The following RFX3 variants were observed in gnomAD, a reference collection of about 807,000 sequenced individuals.
RFX3 encodes regulatory factor X3, also known as transcription factor RFX3.
Under a neutral mutation model 98.6 loss-of-function variants are expected in RFX3, and 14 were observed. The observed-to-expected ratio is 0.14, with a 90% confidence interval of 0.09 to 0.22. The LOEUF (loss-of-function observed/expected upper bound fraction) is 0.22, where lower values mean the gene tolerates loss of function less well. RFX3 is among the 10% of genes least tolerant of loss of function. The pLI is 1.00. For missense variants in RFX3, 639 were observed against 926.9 expected (o/e 0.69, Z 4.03); for synonymous variants, 383 against 328.4 (o/e 1.17, Z -1.80).
At chr9:3,508,785 G>A (rs1226444689) in intron 1 of RFX3, among the ~76,000 whole-genome samples, 1 of 151,956 alleles carries the variant, frequency 6.6e-6, no homozygotes, top group Non-Finnish European at 1.5e-5. Context: ...AAATGAGGCT[G>A]CAGAGAGCAT....
chr9:3,422,193 T>C (rs1587614882), intron 1 of RFX3, among the ~76,000 whole-genome samples: 2 of 152,120 alleles, frequency 1.3e-5, no homozygotes, highest in Non-Finnish European at 1.5e-5. Flanking sequence ...CTGGCACAAA[T>C]AGCAATGAAC....
intron 1 of RFX3, among the ~76,000 whole-genome samples, chr9:3,501,302 C>G (rs964227849): frequency 1.3e-5 from 2 of 151,948 alleles, no homozygotes; most frequent in African/African-American, 4.8e-5. Context: ...TAATTTTTAT[C>G]AAGAATTGTA....
chr9:3,392,475 T>C (rs1176833984), intron 2 of RFX3, among the ~76,000 whole-genome samples: 1 of 148,640 alleles, frequency 6.7e-6, no homozygotes, highest in Non-Finnish European at 1.5e-5. Context: ...AAAAATAATA[T>C]AAGGCCTGAA....
intron 1 of RFX3, among the ~76,000 whole-genome samples, chr9:3,467,027 A>ATT (rs1339717570): frequency 3.5e-5 from 4 of 115,510 alleles, no homozygotes; most frequent in African/African-American, 5.1e-5. Context: ...AATCTAAAGA[A>ATT]TTATATATAT....
At chr9:3,462,936 C>T (rs1847835643) in intron 1 of RFX3, among the ~76,000 whole-genome samples, 1 of 152,066 alleles carries the variant, frequency 6.6e-6, no homozygotes, top group Non-Finnish European at 1.5e-5. Flanking sequence ...AAGAAAGAGA[C>T]ATATCATGTT....
intron 1 of RFX3, among the ~76,000 whole-genome samples, chr9:3,417,447 T>G (rs1353975747): frequency 1.3e-5 from 2 of 152,090 alleles, no homozygotes; most frequent in South Asian, 2.1e-4. Context: ...CTCAATGAAT[T>G]TTAAAGGACT....
At chr9:3,330,575 T>C in intron 3 of RFX3, 58 bp from the exon 4 acceptor site, 1 of 1,482,544 alleles carries the variant, frequency 6.7e-7, no homozygotes, top group Non-Finnish European at 9.2e-7. Flanking sequence ...CTTATTAATT[T>C]TTTTCTAATA....
chr9:3,525,972 G>A lies in RFX3; in HGVS notation c.-234C>T, dbSNP rs927101312. ...AGAGAGAGAGCGAGAGGGAGAGGGA[G>A]ACACTCGCACGGGGAGGGGTGGGGG... On this transcript the variant is annotated 5_prime_UTR_variant, in exon 1 of 17. Transcript: ENST00000617270. 44 of 153,660 alleles carry A rather than the reference G, an allele frequency of 2.9e-4. No homozygotes were observed. Among genetic ancestry groups the A allele is most frequent in the African/African-American group, 1.1e-3 (41 of 36,708 alleles). The allele number at this position is 153,660 out of a possible 1,614,324, so 9.5% of individuals were successfully genotyped here.
chr9:3,347,546 G>A (rs1252404734), intron 2 of RFX3, among the ~76,000 whole-genome samples: 1 of 151,878 alleles, frequency 6.6e-6, no homozygotes, highest in Non-Finnish European at 1.5e-5. Context: ...CCAGAAGGCC[G>A]GGTGCGGTGG....
intron 14 of RFX3, among the ~76,000 whole-genome samples, chr9:3,252,736 G>A (rs1258044466): frequency 6.6e-6 from 1 of 151,944 alleles, no homozygotes; most frequent in Non-Finnish European, 1.5e-5. Flanking sequence ...ACTTTTGGAT[G>A]GTTAGGCAAT....
rs1236278546 is a variant in RFX3, at chr9:3,475,332, C to T, written c.-9+50415G>A. Among the ~76,000 whole-genome samples the T allele has an allele frequency of 5.3e-5, 8 of 151,384 alleles. No homozygotes were observed. In the East Asian group the frequency reaches 1.2e-3, roughly 22 times the overall value. On this transcript the variant is annotated intron_variant, in intron 1 of 16. Coordinates refer to ENST00000617270, the MANE Select transcript of RFX3 (RefSeq NM_001282116.2). Reference sequence around the variant, plus strand: ...GAAAAGACAGCTGGGCCCGGGGGACCGCAACCACCAAGACGCAGAGACCGG... The same window carrying T: ...GAAAAGACAGCTGGGCCCGGGGGACTGCAACCACCAAGACGCAGAGACCGG...
intron 2 of RFX3, among the ~76,000 whole-genome samples, chr9:3,395,128 T>A (rs1159461598): frequency 6.6e-6 from 1 of 152,092 alleles, no homozygotes; most frequent in Non-Finnish European, 1.5e-5. Context: ...GACATTTCAA[T>A]ATGAAAGAAA....
intron 1 of RFX3, among the ~76,000 whole-genome samples, chr9:3,505,263 T>TATATATATATGAATATATATTC (rs1451900037): frequency 1.2e-4 from 9 of 74,652 alleles, no homozygotes; most frequent in African/African-American, 4.4e-4. Context: ...AATATATATT[T>TATATATATATGAATATATATTC]ATATATATAT....
rs138167469 is a variant in RFX3, at chr9:3,354,889, T to A, written c.118-8125A>T. On this transcript the variant is annotated intron_variant, in intron 2 of 16. Transcript: ENST00000617270. ...TTCTTATCTTTTACTTTTCTGACTATGTAGAGCAAAAATAATAACAATGCC... is the reference window on the plus strand; with the variant it reads ...TTCTTATCTTTTACTTTTCTGACTAAGTAGAGCAAAAATAATAACAATGCC... 2.0e-5 allele frequency among the ~76,000 whole-genome samples: 3 copies of A among 152,024 alleles called. No individual in the cohort carries two copies. In the East Asian group the frequency reaches 5.8e-4, roughly 29 times the overall value.
intron 1 of RFX3, among the ~76,000 whole-genome samples, chr9:3,455,386 T>C (rs1847059284): frequency 2.0e-5 from 3 of 152,186 alleles, no homozygotes; most frequent in Admixed American, 2.0e-4. Flanking sequence ...TCCCTTCCCT[T>C]ACTAAGCAAA....
intron 7 of RFX3, among the ~76,000 whole-genome samples, chr9:3,284,396 G>A (rs921290049): frequency 3.3e-5 from 5 of 151,720 alleles, no homozygotes; most frequent in Admixed American, 2.6e-4. Context: ...TAGTCTATGA[G>A]TGCATTTCGT....
intron 1 of RFX3, among the ~76,000 whole-genome samples, chr9:3,443,569 T>A (rs1023876060): frequency 8.5e-5 from 13 of 152,192 alleles, no homozygotes; most frequent in Non-Finnish European, 5.9e-5. Context: ...TATTACATGG[T>A]GTATATGCAC....
At chr9:3,254,993 T>C (rs1325958423) in intron 14 of RFX3, among the ~76,000 whole-genome samples, 3 of 152,192 alleles carry the variant, frequency 2.0e-5, no homozygotes, top group African/African-American at 7.2e-5. Flanking sequence ...GACTGTGGAA[T>C]TGTACCACTG....
chr9:3,349,498 C>T (rs2131210487), intron 2 of RFX3, among the ~76,000 whole-genome samples: 1 of 151,838 alleles, frequency 6.6e-6, no homozygotes, highest in Middle Eastern at 3.4e-3. Context: ...CTATGTGGTT[C>T]CAAAGCCAAA....
Sources: allele counts gnomAD v4.1 joint callset (sites outside exome capture counted in the v4.1 genomes callset), GRCh38; gene constraint gnomAD v4.1.1; transcripts MANE v1.5; gene names NCBI Gene and HGNC (gene_info 2026-07-23, HGNC 2026-07-21).